ZNF804A: variants seen among roughly 807,000 people sequenced by gnomAD.
ZNF804A encodes the protein zinc finger protein 804A.
In ZNF804A, 2 loss-of-function variants were observed where a neutral mutation model predicts 16.5. The ratio of observed to expected loss-of-function variants is 0.12; its 90% CI spans 0.05 to 0.38. The LOEUF (loss-of-function observed/expected upper bound fraction) is 0.38, where lower values mean the gene tolerates loss of function less well. ZNF804A is among the 10% of genes least tolerant of loss of function. The pLI is 0.99. For synonymous variants in ZNF804A, 534 were observed against 489.6 expected (o/e 1.09, Z -1.20); for missense variants, 1,473 against 1,390.7 (o/e 1.06, Z -0.94).
intron 1 of ZNF804A, among the ~76,000 whole-genome samples, chr2:184,680,925 G>A (rs1692528893): frequency 6.6e-6 from 1 of 152,252 alleles, no homozygotes; most frequent in Admixed American, 6.5e-5. Context: ...AGGCATCACT[G>A]TGCCAGCAGT....
At chr2:184,811,370 G>GAATCAAGA (rs1694896232) in intron 1 of ZNF804A, among the ~76,000 whole-genome samples, 1 of 152,014 alleles carries the variant, frequency 6.6e-6, no homozygotes, top group South Asian at 2.1e-4. Flanking sequence ...TTAGTAAATT[G>GAATCAAGA]AATCAAGAAC....
intron 1 of ZNF804A, among the ~76,000 whole-genome samples, chr2:184,700,898 G>A (rs940779102): frequency 6.6e-6 from 1 of 151,932 alleles, no homozygotes; most frequent in Non-Finnish European, 1.5e-5. Context: ...TGTATTCATT[G>A]TATAGTGATT....
chr2:184,628,508 G>C (rs570294529), intron 1 of ZNF804A, among the ~76,000 whole-genome samples: 1 of 152,080 alleles, frequency 6.6e-6, no homozygotes, highest in South Asian at 2.1e-4. Flanking sequence ...TTGGAAAACA[G>C]ACATTTGTAT....
Position 184,938,836 on chromosome 2 carries a change from C to G in ZNF804A, c.3440C>G (p.Ser1147Ter), listed in dbSNP as rs1178703799. ...ALTRTSLPQL[S>*]VGPVGPRLCP... ...ACCAGAACCTCATTACCTCAGCTCT[C>G]AGTAGGACCAGTAGGACCGAGGCTT... The change falls in exon 4 of 4, where the codon TCA becomes TGA. Residue 1147 changes from serine (S) to a stop codon, truncating the protein, a stop_gained. Transcript: ENST00000302277. LOFTEE classifies it low-confidence loss of function (END_TRUNC). The G allele has an allele frequency of 6.2e-7, 1 of 1,614,002 alleles. No individual in the cohort carries two copies. Among genetic ancestry groups the G allele is most frequent in the South Asian group, 1.1e-5 (1 of 91,078 alleles).
At chr2:184,924,887 AT>A (rs1241847491) in intron 2 of ZNF804A, among the ~76,000 whole-genome samples, 1 of 151,552 alleles carries the variant, frequency 6.6e-6, no homozygotes, top group Non-Finnish European at 1.5e-5. Flanking sequence ...GTTTTATTCC[AT>A]TGTGTCAGAG....
At chr2:184,927,119 T>C (rs937483426) in intron 2 of ZNF804A, among the ~76,000 whole-genome samples, 2 of 152,186 alleles carry the variant, frequency 1.3e-5, no homozygotes, top group Non-Finnish European at 2.9e-5. Flanking sequence ...TCTTCACAGT[T>C]TGGGCTTGTT....
At chr2:184,654,286 A>G (rs753679723) in intron 1 of ZNF804A, among the ~76,000 whole-genome samples, 2 of 152,210 alleles carry the variant, frequency 1.3e-5, no homozygotes, top group African/African-American at 2.4e-5. Flanking sequence ...GGCATGGGGT[A>G]GCTGGAGGCA....
intron 1 of ZNF804A, among the ~76,000 whole-genome samples, chr2:184,777,867 C>G (rs1343430678): frequency 1.3e-5 from 2 of 151,428 alleles, no homozygotes; most frequent in Non-Finnish European, 3.0e-5. Flanking sequence ...TTTACCAACA[C>G]TATAGGAGTG....
rs535796439 is a variant in ZNF804A, at chr2:184,840,262, C to T, written c.112-26107C>T. On this transcript the variant is annotated intron_variant, in intron 1 of 3. Transcript: ENST00000302277. ...AAAATTACCTGGACATGGTGGCACC[C>T]ACCTGTAATTTCAGCTACTCAGGAG... Among the ~76,000 whole-genome samples the T allele has an allele frequency of 1.3e-3, 203 of 152,182 alleles. 2 individuals carry two copies. Among genetic ancestry groups the T allele is most frequent in the African/African-American group, 4.4e-3 (184 of 41,536 alleles).
intron 1 of ZNF804A, among the ~76,000 whole-genome samples, chr2:184,829,656 A>T (rs1364504213): frequency 6.6e-6 from 1 of 151,892 alleles, no homozygotes; most frequent in East Asian, 1.9e-4. Context: ...ATTTTACAGG[A>T]ATTATTAATT....
At chr2:184,648,516 A>G (rs193101153) in intron 1 of ZNF804A, among the ~76,000 whole-genome samples, 4 of 152,184 alleles carry the variant, frequency 2.6e-5, no homozygotes, top group Non-Finnish European at 4.4e-5. Context: ...AAAAAACAAG[A>G]CCCATAATCT....
intron 1 of ZNF804A, among the ~76,000 whole-genome samples, chr2:184,724,348 G>C (rs999758136): frequency 6.6e-6 from 1 of 151,646 alleles, no homozygotes; most frequent in Non-Finnish European, 1.5e-5. Flanking sequence ...GAAGAAAAAT[G>C]ATAGCTGCTA....
intron 2 of ZNF804A, among the ~76,000 whole-genome samples, chr2:184,893,665 A>T (rs1298689579): frequency 6.6e-6 from 1 of 152,164 alleles, no homozygotes; most frequent in Non-Finnish European, 1.5e-5. Flanking sequence ...AATGGATAAC[A>T]TGTTTTAGAA....
intron 2 of ZNF804A, among the ~76,000 whole-genome samples, chr2:184,882,641 C>A (rs1684826556): frequency 6.6e-6 from 1 of 151,974 alleles, no homozygotes; most frequent in South Asian, 2.1e-4. Flanking sequence ...GAAACTTGCT[C>A]AAAACCATAT....
intron 1 of ZNF804A, among the ~76,000 whole-genome samples, chr2:184,748,599 T>C (rs1184990768): frequency 1.3e-5 from 2 of 151,518 alleles, no homozygotes; most frequent in Admixed American, 1.3e-4. Flanking sequence ...CCACTGATAG[T>C]TTTTTAGGCT....
chr2:184,935,293 G>A (rs546643597), intron 3 of ZNF804A, among the ~76,000 whole-genome samples: 3 of 152,258 alleles, frequency 2.0e-5, no homozygotes, highest in African/African-American at 7.2e-5. Flanking sequence ...TTGGGCTATA[G>A]TAGACTCTTG....
At chr2:184,931,759 T>C (rs567085351) in intron 2 of ZNF804A, among the ~76,000 whole-genome samples, 1 of 152,238 alleles carries the variant, frequency 6.6e-6, no homozygotes, top group Admixed American at 6.5e-5. Flanking sequence ...AGAAAATGGG[T>C]TTTTCTTTTC....
chr2:184,756,516 G>T (rs902434102), intron 1 of ZNF804A, among the ~76,000 whole-genome samples: 4 of 151,812 alleles, frequency 2.6e-5, no homozygotes, highest in Non-Finnish European at 5.9e-5. Context: ...AATTTTATAG[G>T]TTTTAAAAGC....
intron 2 of ZNF804A, among the ~76,000 whole-genome samples, chr2:184,912,708 G>A (rs748398170): frequency 2.1e-4 from 32 of 151,918 alleles, no homozygotes; most frequent in Admixed American, 4.6e-4. Flanking sequence ...TACTAATGAC[G>A]TTGCACATCG....
Sources: allele counts gnomAD v4.1 joint callset (sites outside exome capture counted in the v4.1 genomes callset), GRCh38; gene constraint gnomAD v4.1.1; transcripts MANE v1.5; gene names NCBI Gene and HGNC (gene_info 2026-07-23, HGNC 2026-07-21).